Variants in CAMK1D observed in about 807,000 individuals in gnomAD.
The protein encoded by CAMK1D is calcium/calmodulin dependent protein kinase ID.
CAMK1D carries 9 observed loss-of-function variants against 47.7 expected under a neutral mutation model. The ratio of observed to expected loss-of-function variants is 0.19; its 90% CI spans 0.11 to 0.33. The LOEUF is 0.33. CAMK1D is among the 10% of genes least tolerant of loss of function. CAMK1D has a pLI of 1.00. For synonymous variants in CAMK1D, 184 were observed against 184.9 expected (o/e 0.99, Z 0.04); for missense variants, 291 against 488.7 (o/e 0.60, Z 3.81).
intron 2 of CAMK1D, among the ~76,000 whole-genome samples, chr10:12,565,500 C>T (rs987352230): frequency 2.0e-5 from 3 of 152,180 alleles, no homozygotes; most frequent in Admixed American, 1.3e-4. Context: ...ATGATCTGCC[C>T]GCCTCGGCCT....
At chr10:12,718,925 C>T (rs1247849073) in intron 3 of CAMK1D, among the ~76,000 whole-genome samples, 1 of 152,212 alleles carries the variant, frequency 6.6e-6, no homozygotes, top group East Asian at 1.9e-4. Context: ...ATGTACTGCT[C>T]ATCTAACGAA....
chr10:12,698,778 T>C (rs1833396767), intron 3 of CAMK1D, among the ~76,000 whole-genome samples: 1 of 148,210 alleles, frequency 6.7e-6, no homozygotes, highest in African/African-American at 2.5e-5. Flanking sequence ...ATTGAAGCGA[T>C]TCTCCTGCCT....
intron 3 of CAMK1D, among the ~76,000 whole-genome samples, chr10:12,698,945 A>G (rs1347091251): frequency 6.6e-6 from 1 of 152,100 alleles, no homozygotes; most frequent in African/African-American, 2.4e-5. Flanking sequence ...TGCTGGGATT[A>G]CAGGCATGAG....
At position 12,827,468 on chromosome 10, in the gene CAMK1D, GTCTGTCTTTCTTTCTTTCTT is replaced by G. The variant is rs1433266917; in HGVS notation, c.1040-1297_1040-1278del. 5.3e-3 allele frequency among the ~76,000 whole-genome samples: 20 copies of G among 3,798 alleles called. 7 individuals carry two copies. Among genetic ancestry groups the G allele is most frequent in the African/African-American group, 0.01 (20 of 1,962 alleles). The allele number at this position is 3,798 out of a possible 152,430, so 2.5% of individuals were successfully genotyped here. On this transcript the variant is annotated intron_variant, in intron 10 of 10. Transcript: ENST00000619168. ...CTTTCTTTCTTTTCTTTCTTTGTCT[GTCTGTCTTTCTTTCTTTCTT>G]TCTTTCTTTCTTTCTTTCTTTCTTT...
At position 12,563,444 on chromosome 10, in the gene CAMK1D, C is replaced by T. The variant is rs74411004; in HGVS notation, c.224+10088C>T. ...ATGGATTTGAACATACCCGCTTACA[C>T]GGGTGAGGATAATCTTTTTACTCAG... On this transcript the variant is annotated intron_variant, in intron 2 of 10. Coordinates refer to ENST00000619168, the MANE Select transcript of CAMK1D (RefSeq NM_153498.4). 3.4e-3 allele frequency among the ~76,000 whole-genome samples: 525 copies of T among 152,338 alleles called. 13 individuals are homozygous for T. The East Asian group carries it at 0.042, about 12-fold the overall frequency.
chr10:12,692,337 A>G (rs1346812598), intron 3 of CAMK1D, among the ~76,000 whole-genome samples: 1 of 152,196 alleles, frequency 6.6e-6, no homozygotes, highest in Non-Finnish European at 1.5e-5. Context: ...GAATACACAC[A>G]TATACACACT....
intron 3 of CAMK1D, among the ~76,000 whole-genome samples, chr10:12,724,099 G>A (rs142635255): frequency 0.016 from 2,390 of 152,152 alleles, 37 homozygotes; most frequent in Middle Eastern, 0.037. Context: ...AGCAATTCTC[G>A]TGCCTCGGCC....
chr10:12,527,984 A>T (rs577678821), intron 1 of CAMK1D, among the ~76,000 whole-genome samples: 30 of 152,334 alleles, frequency 2.0e-4, no homozygotes, highest in African/African-American at 7.2e-4. Context: ...TTATTTGGCC[A>T]TTAATAGCAA....
At chr10:12,691,581 C>T (rs895384847) in intron 3 of CAMK1D, among the ~76,000 whole-genome samples, 1 of 151,204 alleles carries the variant, frequency 6.6e-6, no homozygotes, top group Non-Finnish European at 1.5e-5. Context: ...TACAGGTGCC[C>T]ACCAGCACGT....
intron 3 of CAMK1D, among the ~76,000 whole-genome samples, chr10:12,676,378 C>T (rs1362579072): frequency 2.6e-5 from 4 of 152,158 alleles, no homozygotes; most frequent in African/African-American, 4.8e-5. Flanking sequence ...GCCACCACCT[C>T]GTGACACACA....
At chr10:12,786,499 C>T (rs909978349) in intron 5 of CAMK1D, among the ~76,000 whole-genome samples, 18 of 152,194 alleles carry the variant, frequency 1.2e-4, no homozygotes, top group African/African-American at 3.9e-4. Context: ...ACTTTTCCCC[C>T]ATAACAACCA....
At chr10:12,647,167 T>TTTTTTTAAAA (rs1839834158) in intron 2 of CAMK1D, among the ~76,000 whole-genome samples, 1 of 129,842 alleles carries the variant, frequency 7.7e-6, no homozygotes, top group Non-Finnish European at 1.6e-5. Context: ...TTTTTTTTTT[T>TTTTTTTAAAA]GAAATGGAGT....
chr10:12,820,922 C>A (rs1473180325), intron 8 of CAMK1D, among the ~76,000 whole-genome samples: 2 of 152,150 alleles, frequency 1.3e-5, no homozygotes, highest in Non-Finnish European at 2.9e-5. Flanking sequence ...CAGCCCTGGC[C>A]AGAGCTCATT....
chr10:12,377,126 T>C (rs1443854188), intron 1 of CAMK1D, among the ~76,000 whole-genome samples: 1 of 152,142 alleles, frequency 6.6e-6, no homozygotes, highest in African/African-American at 2.4e-5. Flanking sequence ...CAAATGAAGA[T>C]AATAATTTTT....
chr10:12,506,492 G>A (rs972500420), intron 1 of CAMK1D, among the ~76,000 whole-genome samples: 1 of 152,016 alleles, frequency 6.6e-6, no homozygotes, highest in Admixed American at 6.6e-5. Flanking sequence ...AGGAATAAAG[G>A]GAAGATCTGG....
chr10:12,646,424 G>A (rs1368710653), intron 2 of CAMK1D, among the ~76,000 whole-genome samples: 4 of 152,046 alleles, frequency 2.6e-5, no homozygotes, highest in East Asian at 1.9e-4. Flanking sequence ...TTAAAGAAAC[G>A]TGGAGAAATA....
At chr10:12,516,942 G>C (rs1835228474) in intron 1 of CAMK1D, among the ~76,000 whole-genome samples, 1 of 152,122 alleles carries the variant, frequency 6.6e-6, no homozygotes, top group Non-Finnish European at 1.5e-5. Context: ...ATTTGAATTG[G>C]GATTGCATCG....
chr10:12,689,046 C>T (rs1832769668), intron 3 of CAMK1D, among the ~76,000 whole-genome samples: 1 of 152,248 alleles, frequency 6.6e-6, no homozygotes, highest in African/African-American at 2.4e-5. Flanking sequence ...AAGTTCCCTT[C>T]TCTTCAGTCC....
chr10:12,546,881 C>T (rs913352150), intron 1 of CAMK1D, among the ~76,000 whole-genome samples: 3 of 151,944 alleles, frequency 2.0e-5, no homozygotes, highest in South Asian at 2.1e-4. Context: ...ATGGGTGCAG[C>T]ACACCAACAT....
Sources: allele counts gnomAD v4.1 joint callset (sites outside exome capture counted in the v4.1 genomes callset), GRCh38; gene constraint gnomAD v4.1.1; transcripts MANE v1.5; gene names NCBI Gene and HGNC (gene_info 2026-07-23, HGNC 2026-07-21).